The following DNM3 variants were observed in gnomAD, a reference collection of about 807,000 sequenced individuals.
DNM3 encodes dynamin-3.
Under a neutral mutation model 101.6 loss-of-function variants are expected in DNM3, and 47 were observed. The observed-to-expected ratio is 0.46, with a 90% CI of 0.37 to 0.59. The LOEUF (loss-of-function observed/expected upper bound fraction) is 0.59. Among genes scored for constraint, DNM3 ranks in the 20% least tolerant of loss-of-function variants. The pLI, the probability that DNM3 is intolerant of heterozygous loss-of-function variation, is 0.00. For missense variants in DNM3, 849 were observed against 1,085.7 expected (o/e 0.78, Z 3.06); for synonymous variants, 385 against 387.9 (o/e 0.99, Z 0.09).
chr1:171,990,652 G>A (rs1246199394), intron 4 of DNM3, among the ~76,000 whole-genome samples: 5 of 152,158 alleles, frequency 3.3e-5, no homozygotes, highest in Non-Finnish European at 7.4e-5. Context: ...CTGAGGTTGA[G>A]GAAGGGTAGC....
chr1:172,387,703 C>G (rs570175053), intron 19 of DNM3, among the ~76,000 whole-genome samples: 1 of 119,722 alleles, frequency 8.4e-6, no homozygotes, highest in East Asian at 4.7e-4. Context: ...CTGAGCCCTG[C>G]CACGCTTGTC....
intron 13 of DNM3, among the ~76,000 whole-genome samples, chr1:172,130,516 G>A (rs1398811067): frequency 6.6e-6 from 1 of 152,096 alleles, no homozygotes; most frequent in Admixed American, 6.6e-5. Flanking sequence ...GATGCTACAT[G>A]TTTTGTAATA....
At chr1:171,957,534 A>C (rs943355520) in intron 2 of DNM3, among the ~76,000 whole-genome samples, 10 of 152,076 alleles carry the variant, frequency 6.6e-5, no homozygotes, top group African/African-American at 2.4e-4. Context: ...TCAGGCTGCA[A>C]ATTTTCCAAA....
At chr1:171,913,208 ATGT>A (rs991295385) in intron 1 of DNM3, among the ~76,000 whole-genome samples, 80 of 152,210 alleles carry the variant, frequency 5.3e-4, no homozygotes, top group African/African-American at 1.8e-3. Context: ...TCATGAAAAT[ATGT>A]TGTTTAGAAA....
intron 2 of DNM3, among the ~76,000 whole-genome samples, chr1:171,981,030 G>A (rs193218103): frequency 6.6e-6 from 1 of 152,280 alleles, no homozygotes; most frequent in East Asian, 1.9e-4. Flanking sequence ...CTCAGCCTCA[G>A]TGGTGGGATT....
chr1:172,032,984 CAGTCTTCAGGCCTAAAACT>C, intron 5 of DNM3, 102 bp from the exon 6 acceptor site: 1 of 1,183,948 alleles, frequency 8.4e-7, no homozygotes, highest in Non-Finnish European at 1.2e-6. Flanking sequence ...TAAAGGAACT[CAGTCTTCAGGCCTAAAACT>C]AGTTTTGCCT....
intron 15 of DNM3, among the ~76,000 whole-genome samples, chr1:172,273,403 A>C (rs977224069): frequency 6.6e-6 from 1 of 152,140 alleles, no homozygotes; most frequent in African/African-American, 2.4e-5. Context: ...CATTTTAGAT[A>C]AAAATTTTAA....
intron 11 of DNM3, among the ~76,000 whole-genome samples, chr1:172,078,934 T>A (rs1417903633): frequency 6.6e-6 from 1 of 152,242 alleles, no homozygotes; most frequent in Non-Finnish European, 1.5e-5. Flanking sequence ...TTAAGAATGT[T>A]GAATATTGGC....
chr1:172,417,084 T>C (rs1361889014), downstream of DNM3, among the ~76,000 whole-genome samples: 1 of 151,116 alleles, frequency 6.6e-6, no homozygotes, highest in Non-Finnish European at 1.5e-5. Context: ...TTTTTGTTTT[T>C]GTTTTTTTTT....
chr1:172,019,418 CTT>C (rs55837580), intron 4 of DNM3, among the ~76,000 whole-genome samples: 24 of 145,190 alleles, frequency 1.7e-4, no homozygotes, highest in East Asian at 4.0e-4. Context: ...TTTATTTTTG[CTT>C]TTTTTTTTTG....
At chr1:172,185,636 T>C (rs2059495965) in intron 14 of DNM3, among the ~76,000 whole-genome samples, 1 of 152,126 alleles carries the variant, frequency 6.6e-6, no homozygotes, top group Non-Finnish European at 1.5e-5. Context: ...AATGTGTTTG[T>C]GCACTTAGGA....
chr1:172,381,276 C>G (rs1206350298), intron 18 of DNM3, among the ~76,000 whole-genome samples: 1 of 151,940 alleles, frequency 6.6e-6, no homozygotes, highest in Non-Finnish European at 1.5e-5. Context: ...CAATTAAGAT[C>G]TGATCACCAA....
intron 10 of DNM3, among the ~76,000 whole-genome samples, chr1:172,058,810 T>C (rs1316272415): frequency 4.6e-5 from 7 of 150,538 alleles, no homozygotes; most frequent in Non-Finnish European, 8.9e-5. Flanking sequence ...GCAAACACAT[T>C]CAAAAGCTAG....
intron 13 of DNM3, among the ~76,000 whole-genome samples, chr1:172,094,220 A>G (rs1225122798): frequency 6.6e-6 from 1 of 152,188 alleles, no homozygotes; most frequent in Non-Finnish European, 1.5e-5. Context: ...ATTTGCATTT[A>G]TTTAAAAAAA....
chr1:172,269,779 G>T (rs1319882534), intron 15 of DNM3, among the ~76,000 whole-genome samples: 2 of 152,180 alleles, frequency 1.3e-5, no homozygotes, highest in African/African-American at 4.8e-5. Flanking sequence ...TTGTGAATTT[G>T]TGATAGCGTG....
chr1:172,322,143 A>G (rs950272394), intron 16 of DNM3, among the ~76,000 whole-genome samples: 3 of 152,204 alleles, frequency 2.0e-5, no homozygotes, highest in Admixed American at 6.5e-5. Context: ...TCCAGAAAAC[A>G]CACTCTCCTG....
intron 1 of DNM3, among the ~76,000 whole-genome samples, chr1:171,859,718 A>G (rs2033977835): frequency 6.6e-6 from 1 of 152,182 alleles, no homozygotes; most frequent in Admixed American, 6.6e-5. Flanking sequence ...ATAAATCAGT[A>G]TGGATGCCAT....
At chr1:172,135,714 T>A (rs2057185918) in intron 14 of DNM3, among the ~76,000 whole-genome samples, 2 of 152,072 alleles carry the variant, frequency 1.3e-5, no homozygotes. Context: ...TGAAATGGAT[T>A]TTTGATCTAG....
At chr1:171,996,857 C>T (rs1266685402) in intron 4 of DNM3, among the ~76,000 whole-genome samples, 3 of 151,740 alleles carry the variant, frequency 2.0e-5, no homozygotes, top group Admixed American at 6.6e-5. Context: ...GGTGAAACCC[C>T]GTCTGTTCAA....
Sources: gnomAD v4.1 joint callset for allele counts (sites outside exome capture counted in the v4.1 genomes callset) on GRCh38, gnomAD v4.1.1 for gene constraint, MANE v1.5 for transcripts, NCBI Gene and HGNC (gene_info 2026-07-23, HGNC 2026-07-21) for gene names.